The following TRIM32 variants were observed in gnomAD, a reference collection of about 807,000 sequenced individuals.
TRIM32 encodes the protein tripartite motif containing 32, also known as E3 ubiquitin-protein ligase TRIM32.
A neutral mutation model predicts 36.0 loss-of-function variants in TRIM32; 19 were observed. The ratio of observed to expected loss-of-function variants is 0.53; its 90% confidence interval spans 0.37 to 0.77. The LOEUF is 0.77. TRIM32 is among the 30% of genes least tolerant of loss of function. TRIM32 has a pLI of 0.00. For synonymous variants in TRIM32, 309 were observed against 318.5 expected (o/e 0.97, Z 0.32); for missense variants, 747 against 845.2 (o/e 0.88, Z 1.44).
intron 1 of TRIM32, among the ~76,000 whole-genome samples, chr9:116,691,155 C>G (rs959992469): frequency 6.6e-6 from 1 of 152,128 alleles, no homozygotes; most frequent in African/African-American, 2.4e-5. Context: ...TTTGATAACC[C>G]TAAGTAGTCT....
At chr9:116,688,047 G>C (rs1361589374) in intron 1 of TRIM32, among the ~76,000 whole-genome samples, 1 of 152,026 alleles carries the variant, frequency 6.6e-6, no homozygotes, top group Admixed American at 6.5e-5. Context: ...CACAGTGCCC[G>C]ATGGAATGCA....
At position 116,687,336 on chromosome 9, in the gene TRIM32, C is replaced by T. The variant is rs1160273786; in HGVS notation, c.-127C>T. On this transcript the variant is annotated 5_prime_UTR_variant, in exon 1 of 2. Coordinates refer to ENST00000450136, the MANE Select transcript of TRIM32 (RefSeq NM_012210.4). ...CGGCGCGTGCGCAGAGGGAGGCAGG[C>T]GGGTGGGCTGCCGGCGGTGGACTCG... 16 of 907,570 alleles carry T rather than the reference C, an allele frequency of 1.8e-5. No homozygotes were observed. Among genetic ancestry groups the T allele is most frequent in the Non-Finnish European group, 2.1e-5 (16 of 768,960 alleles). 56.2% of individuals were successfully genotyped at this position (907,570 alleles called of 1,614,324 possible). A position where few individuals can be genotyped will look rare whatever the true frequency, so the allele number is the denominator to read the frequency against.
In TRIM32 at chr9:116,697,817, G is replaced by C. The variant is rs1262596490; in HGVS notation, c.75G>C (p.Glu25Asp). 5 of 1,614,160 alleles carry C rather than the reference G, an allele frequency of 3.1e-6. No individual in the cohort carries two copies. ...TGCTAGAATGCCCCATCTGCATGGA[G>C]TCCTTCACAGAAGAGCAGCTGCGTC... Reference protein sequence around the residue: ...REVLECPICMESFTEEQLRPK... With the variant: ...REVLECPICMDSFTEEQLRPK... The change falls in exon 2 of 2, where the codon GAG (glutamate) becomes GAC (aspartate). Residue 25 changes from glutamate to aspartate, a missense_variant. Glu to Asp is a conservative substitution (Grantham distance 45, BLOSUM62 2). Coordinates refer to ENST00000450136, the MANE Select transcript of TRIM32 (RefSeq NM_012210.4).
chr9:116,693,207 A>G (rs1329844038), intron 1 of TRIM32, among the ~76,000 whole-genome samples: 5 of 152,098 alleles, frequency 3.3e-5, no homozygotes, highest in Admixed American at 6.5e-5. Flanking sequence ...CTTTATATGC[A>G]TTTTCCATAG....
At chr9:116,689,310 G>A (rs145003353) in intron 1 of TRIM32, among the ~76,000 whole-genome samples, 50 of 152,260 alleles carry the variant, frequency 3.3e-4, no homozygotes, top group Non-Finnish European at 4.6e-4. Context: ...TCTGTAAAAT[G>A]GGGTTATGAT....
At chr9:116,697,397 G>A (rs1013606605) in intron 1 of TRIM32, 1 of 310,258 alleles carries the variant, frequency 3.2e-6, no homozygotes, top group Admixed American at 4.4e-5. Context: ...AAGAGCTTTT[G>A]GAAGTTTGAG....
chr9:116,692,593 T>C (rs556969305), intron 1 of TRIM32, among the ~76,000 whole-genome samples: 1 of 152,242 alleles, frequency 6.6e-6, no homozygotes, highest in African/African-American at 2.4e-5. Context: ...CCACAATAAG[T>C]AGTAGAGCTT....
intron 1 of TRIM32, among the ~76,000 whole-genome samples, chr9:116,692,414 A>G (rs936035773): frequency 6.6e-6 from 1 of 152,218 alleles, no homozygotes; most frequent in African/African-American, 2.4e-5. Flanking sequence ...AATAAAAACT[A>G]TTATTTATGT....
chr9:116,697,552 A>T, intron 1 of TRIM32, 110 bp from the exon 2 acceptor site: 1 of 707,834 alleles, frequency 1.4e-6, no homozygotes, highest in Non-Finnish European at 2.3e-6. Flanking sequence ...AATAGTTGTT[A>T]AGTAAGGGAA....
chr9:116,693,501 A>T lies in TRIM32; in HGVS notation c.-81-4161A>T, dbSNP rs142702527. On this transcript the variant is annotated intron_variant, in intron 1 of 1. Coordinates refer to ENST00000450136, the MANE Select transcript of TRIM32 (RefSeq NM_012210.4). ...AGAGTAGACACAGCTTAAGGGACAG[A>T]TTCTCATCGGGAGCTGAAGAGATGT... Among the ~76,000 whole-genome samples the T allele has an allele frequency of 5.8e-3, 884 of 152,338 alleles. 10 individuals are homozygous for T. The highest frequency in any genetic ancestry group is 0.02 in the African/African-American group (832 of 41,568).
intron 1 of TRIM32, among the ~76,000 whole-genome samples, chr9:116,690,393 C>G (rs1408689394): frequency 1.3e-5 from 2 of 152,186 alleles, no homozygotes; most frequent in Non-Finnish European, 2.9e-5. Flanking sequence ...TGTCTTACAC[C>G]TATGTTACAT....
At position 116,699,272 on chromosome 9, in the gene TRIM32, A is replaced by C. The variant is rs145728860; in HGVS notation, c.1530A>C (p.Leu510=). Reference sequence around the variant, plus strand: ...CAGGGGTGGTCAAATACAGCTGCCTATGTAGTGCTGTGCGGCCCAAATTTG... The same window carrying C: ...CAGGGGTGGTCAAATACAGCTGCCTCTGTAGTGCTGTGCGGCCCAAATTTG... ...RGSGVVKYSC[L]CSAVRPKFVT... The change falls in exon 2 of 2, where the codon CTA becomes CTC. Residue 510 remains leucine (L), a synonymous_variant. Coordinates refer to ENST00000450136, the MANE Select transcript of TRIM32 (RefSeq NM_012210.4). This position sits in a 1 kb window ranked among gnomAD's most constrained non-coding sequence, Gnocchi z 4.2. 52 of 1,614,054 alleles carry C rather than the reference A, an allele frequency of 3.2e-5. No individual in the cohort carries two copies. Among genetic ancestry groups the C allele is most frequent in the Non-Finnish European group, 4.4e-5 (52 of 1,180,044 alleles).
At chr9:116,695,307 T>A (rs1860787999) in intron 1 of TRIM32, among the ~76,000 whole-genome samples, 2 of 152,152 alleles carry the variant, frequency 1.3e-5, no homozygotes, top group Non-Finnish European at 2.9e-5. Flanking sequence ...ATTAAGCATA[T>A]AAAGTATCTG....
chr9:116,696,091 A>ATTCCTGCTTTGATCATATCATC, intron 1 of TRIM32, among the ~76,000 whole-genome samples: 2 of 152,070 alleles, frequency 1.3e-5, no homozygotes, highest in African/African-American at 2.4e-5. Context: ...TCCCCACTCC[A>ATTCCTGCTTTGATCATATCATC]TTCCTGCTTT....
chr9:116,700,837 T>G lies in TRIM32; in HGVS notation c.*1133T>G. The stretch of plus-strand genomic sequence containing the variant: ...TGCGCTATGCCATTTTGCTTCCTTA[T>G]CTCACTGTGTTCTTTCAGAGTGTAG... On this transcript the variant is annotated 3_prime_UTR_variant, in exon 2 of 2. Transcript: ENST00000450136. The G allele has an allele frequency of 6.0e-6, 1 of 167,028 alleles. No homozygotes were observed. 10.3% of individuals were successfully genotyped at this position (167,028 alleles called of 1,614,324 possible). A position where few individuals can be genotyped will look rare whatever the true frequency, so the allele number is the denominator to read the frequency against.
At chr9:116,693,482 G>A (rs1324810729) in intron 1 of TRIM32, among the ~76,000 whole-genome samples, 1 of 152,210 alleles carries the variant, frequency 6.6e-6, no homozygotes, top group East Asian at 1.9e-4. Context: ...AGCCAGAGTA[G>A]ACACAGCTTA....
In TRIM32 at chr9:116,701,147, C is replaced by T. The variant is rs564184168; in HGVS notation, c.*1443C>T. ...CTTACTCTAGGTGCAGGGCTGATGG[C>T]AAGCCAAAGAGCAACTGCCTTACTT... On this transcript the variant is annotated 3_prime_UTR_variant, in exon 2 of 2. Coordinates refer to ENST00000450136, the MANE Select transcript of TRIM32 (RefSeq NM_012210.4). 6 of 167,152 alleles carry T rather than the reference C, an allele frequency of 3.6e-5. No homozygotes were observed. Among genetic ancestry groups the T allele is most frequent in the Admixed American group, 3.3e-4 (5 of 15,290 alleles). The allele number at this position is 167,152 out of a possible 1,614,324, so 10.4% of individuals were successfully genotyped here.
intron 1 of TRIM32, among the ~76,000 whole-genome samples, chr9:116,695,747 C>T (rs961555810): frequency 2.6e-5 from 4 of 152,126 alleles, no homozygotes; most frequent in African/African-American, 9.7e-5. Flanking sequence ...TATACGTTGA[C>T]AGTGACCTAA....
At chr9:116,694,530 G>A (rs577805788) in intron 1 of TRIM32, among the ~76,000 whole-genome samples, 21 of 136,932 alleles carry the variant, frequency 1.5e-4, no homozygotes, top group Non-Finnish European at 2.6e-4. Flanking sequence ...GGCGCGTCTC[G>A]GCTCACTGCA....
Sources: gnomAD v4.1 joint callset for allele counts (sites outside exome capture counted in the v4.1 genomes callset) on GRCh38, gnomAD v4.1.1 for gene constraint, Gnocchi (gnomAD v3.1) non-coding constraint, MANE v1.5 for transcripts, NCBI Gene and HGNC (gene_info 2026-07-23, HGNC 2026-07-21) for gene names.